MMRN1: variants seen among roughly 807,000 people sequenced by gnomAD.
MMRN1 encodes the protein multimerin 1.
Under a neutral mutation model 100.7 loss-of-function variants are expected in MMRN1, and 94 were observed. The observed-to-expected ratio is 0.93, with a 90% CI of 0.79 to 1.11. The LOEUF (loss-of-function observed/expected upper bound fraction) is 1.11, where lower values mean the gene tolerates loss of function less well. Among genes scored for constraint, MMRN1 ranks in the 50% least tolerant of loss-of-function variants. The pLI is 0.00. For synonymous variants in MMRN1, 575 were observed against 505.0 expected, an observed-to-expected ratio of 1.14 and a Z score of -1.86; for missense variants, 1,606 against 1,439.1, an observed-to-expected ratio of 1.12 and a Z score of -1.88.
At chr4:89,916,495 T>G (rs144518545) in intron 3 of MMRN1, among the ~76,000 whole-genome samples, 1 of 151,638 alleles carries the variant, frequency 6.6e-6, no homozygotes. Context: ...AAAAAGTTAA[T>G]CACATTTTCT....
At chr4:89,891,284 T>G (rs533950176), upstream of MMRN1, among the ~76,000 whole-genome samples, 1 of 152,062 alleles carries the variant, frequency 6.6e-6, no homozygotes, top group African/African-American at 2.4e-5. Context: ...TTTTTTCTTT[T>G]GTGTGGCTAT....
At chr4:89,933,103 A>G (rs1722493946) in intron 5 of MMRN1, among the ~76,000 whole-genome samples, 1 of 152,204 alleles carries the variant, frequency 6.6e-6, no homozygotes, top group Non-Finnish European at 1.5e-5. Context: ...TGCTGCTTAG[A>G]AATTTCTTCT....
chr4:89,916,756 G>A (rs1446852308), intron 3 of MMRN1, among the ~76,000 whole-genome samples: 2 of 149,896 alleles, frequency 1.3e-5, no homozygotes, highest in African/African-American at 4.9e-5. Context: ...TTTTTCTTAC[G>A]TTTTTGGTTA....
rs1003993323 is a variant in MMRN1 at position 89,954,071 on chromosome 4, G to A, written c.*653G>A. On this transcript the variant is annotated 3_prime_UTR_variant, in exon 8 of 8. Coordinates refer to ENST00000264790, the MANE Select transcript of MMRN1 (RefSeq NM_007351.3). Reference sequence around the variant, plus strand: ...ACTCAAGTCTAAGAATATATGAGTGGATCATTTACCGCCCCCCGCCCCACA... The same window carrying A: ...ACTCAAGTCTAAGAATATATGAGTGAATCATTTACCGCCCCCCGCCCCACA... 5 of 152,010 alleles carry A rather than the reference G, an allele frequency of 3.3e-5. No homozygotes were observed. The highest frequency in any genetic ancestry group is 1.2e-4 in the African/African-American group (5 of 41,374). 9.4% of individuals were successfully genotyped at this position (152,010 alleles called of 1,614,324 possible).
chr4:89,938,345 G>A (rs922332357), intron 6 of MMRN1, among the ~76,000 whole-genome samples: 1 of 150,678 alleles, frequency 6.6e-6, no homozygotes, highest in South Asian at 2.1e-4. Context: ...TAACAATTTT[G>A]GGAGATATAA....
At chr4:89,951,002 G>A (rs995286792) in intron 6 of MMRN1, among the ~76,000 whole-genome samples, 1 of 152,000 alleles carries the variant, frequency 6.6e-6, no homozygotes, top group Non-Finnish European at 1.5e-5. Flanking sequence ...ATGCAAATGA[G>A]TTTTAATTCT....
chr4:89,897,233 G>A (rs1014836946), intron 1 of MMRN1, among the ~76,000 whole-genome samples: 6 of 148,086 alleles, frequency 4.1e-5, no homozygotes, highest in South Asian at 2.1e-4. Context: ...TTTTTGAGAC[G>A]GAGTCTCGCT....
rs780204877 is a variant in MMRN1 at position 89,936,335 on chromosome 4, A to G, written c.2655A>G (p.Val885=). 6.2e-7 allele frequency: 1 copy of G among 1,612,880 alleles called. No individual in the cohort carries two copies. Among genetic ancestry groups the G allele is most frequent in the Non-Finnish European group, 8.5e-7 (1 of 1,179,526 alleles). Residue 885 remains valine (V), a synonymous_variant, in exon 6 of 8, where the codon GTA becomes GTG. Coordinates refer to ENST00000264790, the MANE Select transcript of MMRN1 (RefSeq NM_007351.3). ...ATATTTCAGTTAAAAAAGGCAGTGTAGTTACAAATGAGAGAGATCAGGCTC... is the reference window on the plus strand; with the variant it reads ...ATATTTCAGTTAAAAAAGGCAGTGTGGTTACAAATGAGAGAGATCAGGCTC... ...PYYISVKKGS[V]VTNERDQALQ...
intron 1 of MMRN1, among the ~76,000 whole-genome samples, chr4:89,906,516 A>G (rs1721569595): frequency 6.6e-6 from 1 of 151,550 alleles, no homozygotes; most frequent in African/African-American, 2.4e-5. Flanking sequence ...AAACACTTCA[A>G]AGTAACTGCT....
chr4:89,911,082 A>G (rs1721733722), intron 2 of MMRN1, among the ~76,000 whole-genome samples: 1 of 151,424 alleles, frequency 6.6e-6, no homozygotes, highest in South Asian at 2.1e-4. Context: ...TGAGGATAAT[A>G]ATAATGCCTT....
intron 1 of MMRN1, among the ~76,000 whole-genome samples, chr4:89,902,899 T>G (rs114884773): frequency 0.013 from 1,951 of 152,036 alleles, 42 homozygotes; most frequent in African/African-American, 0.044. Context: ...GAATACTATA[T>G]AAAATTTTGT....
chr4:89,951,558 A>G (rs1324673065), intron 6 of MMRN1, 47 bp from the exon 7 acceptor site: 1 of 1,434,458 alleles, frequency 7.0e-7, no homozygotes. Flanking sequence ...TCAACAGGAA[A>G]ATAGGTCACT....
chr4:89,925,282 C>A (rs1438110403), intron 4 of MMRN1, among the ~76,000 whole-genome samples: 1 of 147,774 alleles, frequency 6.8e-6, no homozygotes, highest in Non-Finnish European at 1.5e-5. Flanking sequence ...AATACAGGCA[C>A]GTCCCACCAT....
At chr4:89,882,821 A>G (rs1720849674) in intron 1 of MMRN1, among the ~76,000 whole-genome samples, 2 of 151,956 alleles carry the variant, frequency 1.3e-5, no homozygotes, top group Non-Finnish European at 2.9e-5. Flanking sequence ...ATGAGTTTTG[A>G]CAATTGCATT....
intron 1 of MMRN1, among the ~76,000 whole-genome samples, chr4:89,883,199 G>C (rs150668066): frequency 6.6e-6 from 1 of 151,892 alleles, no homozygotes. Context: ...GGGCTGTTAC[G>C]AATATTCTTG....
rs77298116 is a variant in MMRN1 at position 89,895,366 on chromosome 4, T to C, written c.395T>C (p.Val132Ala). 4 of 1,613,844 alleles carry C rather than the reference T, an allele frequency of 2.5e-6. No homozygotes were observed. The highest frequency in any genetic ancestry group is 1.1e-5 in the South Asian group (1 of 91,064). ...SIKFNPGAES[V>A]VLSNSTLKFL... is the part of the protein sequence containing the mutation. ...AAGTTCAATCCTGGAGCAGAATCAG[T>C]GGTCCTTTCCAATTCTACACTGAAA... is the stretch of plus-strand genomic sequence containing the variant. Residue 132 changes from valine to alanine, a missense_variant, in exon 1 of 8, where the codon GTG becomes GCG. Transcript: ENST00000264790.
intron 3 of MMRN1, among the ~76,000 whole-genome samples, chr4:89,915,282 A>G (rs1721875832): frequency 6.6e-6 from 1 of 151,582 alleles, no homozygotes; most frequent in Non-Finnish European, 1.5e-5. Flanking sequence ...AGAGTCTTTC[A>G]CAATAAAATT....
In MMRN1 at chr4:89,934,924, G is replaced by A; in HGVS notation, c.1244G>A (p.Ser415Asn). 6.2e-7 allele frequency: 1 copy of A among 1,613,614 alleles called. No individual in the cohort carries two copies. The highest frequency in any genetic ancestry group is 1.1e-5 in the South Asian group (1 of 91,040). ...TVAQLFKTVSSLSEDLESTRQ... is the reference protein window; with the variant it reads ...TVAQLFKTVSNLSEDLESTRQ... ...GCACAGCTCTTCAAGACTGTATCAAGTCTATCAGAGGACCTCGAAAGCACC... is the reference window on the plus strand; with the variant it reads ...GCACAGCTCTTCAAGACTGTATCAAATCTATCAGAGGACCTCGAAAGCACC... Residue 415 changes from serine (S) to asparagine (N), a missense_variant, in exon 6 of 8, where the codon AGT (serine) becomes AAT (asparagine). By Grantham distance (46) the Ser-to-Asn change is conservative (BLOSUM62 1). Coordinates refer to ENST00000264790, the MANE Select transcript of MMRN1 (RefSeq NM_007351.3).
At chr4:89,896,799 A>T (rs1721218640) in intron 1 of MMRN1, among the ~76,000 whole-genome samples, 1 of 152,184 alleles carries the variant, frequency 6.6e-6, no homozygotes, top group African/African-American at 2.4e-5. Context: ...TTTATTATTC[A>T]AGTCTATTTT....
Sources: gnomAD v4.1 joint callset for allele counts (sites outside exome capture counted in the v4.1 genomes callset) on GRCh38, gnomAD v4.1.1 for gene constraint, MANE v1.5 for transcripts, NCBI Gene and HGNC (gene_info 2026-07-23, HGNC 2026-07-21) for gene names.